Variants in CLUL1 observed in about 807,000 individuals in gnomAD.
The protein encoded by CLUL1 is clusterin like 1.
In CLUL1, 43 loss-of-function variants were observed where a neutral mutation model predicts 49.4. The observed-to-expected ratio is 0.87, with a 90% confidence interval of 0.68 to 1.12. The LOEUF is 1.12. Among genes scored for constraint, CLUL1 ranks in the 50% most tolerant of loss-of-function variants. The probability of loss-of-function intolerance (pLI) is 0.00; values close to 1 mark genes in which losing one functional copy is unlikely to be tolerated. For missense variants in CLUL1, 486 were observed against 544.4 expected, an observed-to-expected ratio of 0.89 and a Z score of 1.07; for synonymous variants, 192 against 184.9, an observed-to-expected ratio of 1.04 and a Z score of -0.31.
intron 9 of CLUL1, among the ~76,000 whole-genome samples, chr18:647,625 CAT>C (rs1029864052): frequency 6.6e-6 from 1 of 152,182 alleles, no homozygotes; most frequent in Non-Finnish European, 1.5e-5. Flanking sequence ...CCAGCTGGGA[CAT>C]GTGTGTCTAC....
At chr18:609,105 A>G (rs965096448) in intron 2 of CLUL1, among the ~76,000 whole-genome samples, 1 of 152,328 alleles carries the variant, frequency 6.6e-6, no homozygotes, top group African/African-American at 2.4e-5. Context: ...TCTAAACACA[A>G]AATTCATTTA....
intron 7 of CLUL1, among the ~76,000 whole-genome samples, chr18:634,407 C>G (rs1170549112): frequency 2.6e-5 from 4 of 152,180 alleles, no homozygotes; most frequent in Non-Finnish European, 5.9e-5. Flanking sequence ...GCTGGGATTA[C>G]AGGCATGAAC....
chr18:638,708 A>T lies in CLUL1; in HGVS notation c.995-2619A>T, dbSNP rs144848845. On this transcript the variant is annotated intron_variant, in intron 7 of 9. Transcript: ENST00000692774. ...CCCCGTCTCTACTAAAAATATAAAA[A>T]TTAGCCAGGTGTGGTGGTACGCACC... 2.3e-3 allele frequency among the ~76,000 whole-genome samples: 357 copies of T among 152,064 alleles called. 5 individuals are homozygous for T. The East Asian group carries it at 0.044, about 19-fold the overall frequency.
intron 9 of CLUL1, among the ~76,000 whole-genome samples, chr18:647,656 G>A (rs1375707715): frequency 2.0e-5 from 3 of 152,208 alleles, no homozygotes; most frequent in Non-Finnish European, 4.4e-5. Flanking sequence ...CAGGAGAGAG[G>A]AGAGTCTTGG....
At chr18:633,461 A>T in intron 7 of CLUL1, 26 bp downstream of exon 7, 2 of 1,598,280 alleles carry the variant, frequency 1.3e-6, no homozygotes, top group Non-Finnish European at 1.7e-6. Flanking sequence ...TTTGTTTTTT[A>T]TTCTACTTTA....
chr18:643,599 T>C (rs1379040010), intron 8 of CLUL1, among the ~76,000 whole-genome samples: 1 of 152,242 alleles, frequency 6.6e-6, no homozygotes, highest in East Asian at 1.9e-4. Context: ...CATTCTAGTG[T>C]CTCTTGAGTA....
chr18:598,421 G>A, intron 1 of CLUL1: 1 of 396,808 alleles, frequency 2.5e-6, no homozygotes, highest in Non-Finnish European at 4.4e-6. Flanking sequence ...TAGACGCTTT[G>A]TGAGTCTTCC....
intron 2 of CLUL1, among the ~76,000 whole-genome samples, chr18:610,188 A>G (rs1013985082): frequency 2.6e-5 from 4 of 152,206 alleles, no homozygotes; most frequent in African/African-American, 7.2e-5. Context: ...GAATTTAAAG[A>G]AAAACTTGAT....
intron 6 of CLUL1, among the ~76,000 whole-genome samples, chr18:631,367 C>T (rs11665416): frequency 0.1 from 13,606 of 130,236 alleles, 844 homozygotes; most frequent in East Asian, 0.38. Context: ...GTAGCTTGAC[C>T]CGTGCGGGGG....
At chr18:617,530 G>A (rs1349334033) in intron 2 of CLUL1, among the ~76,000 whole-genome samples, 1 of 150,324 alleles carries the variant, frequency 6.7e-6, no homozygotes, top group African/African-American at 2.5e-5. Flanking sequence ...GGGAGGTGGA[G>A]GTTGCGGTGG....
At chr18:614,449 C>T (rs498087) in intron 2 of CLUL1, 126,840 of 152,092 alleles carry the variant, frequency 0.83, 53,935 homozygotes, top group Non-Finnish European at 0.94. Flanking sequence ...TATTTAGATC[C>T]TTATACTTTA....
intron 4 of CLUL1, 121 bp from the exon 5 acceptor site, chr18:624,744 C>T: frequency 2.3e-6 from 2 of 868,248 alleles, no homozygotes; most frequent in Admixed American, 2.5e-5. Flanking sequence ...AGCTGCGAGG[C>T]ACCTGAAGGA....
intron 7 of CLUL1, among the ~76,000 whole-genome samples, chr18:639,536 C>T (rs772478530): frequency 6.0e-5 from 9 of 150,810 alleles, no homozygotes; most frequent in Non-Finnish European, 7.4e-5. Context: ...GAGGCCAAGG[C>T]GGGCAATCAC....
intron 7 of CLUL1, 61 bp from the exon 8 acceptor site, chr18:641,266 G>A: frequency 6.9e-7 from 1 of 1,443,588 alleles, no homozygotes; most frequent in Non-Finnish European, 9.7e-7. Context: ...TTAAGCCCAT[G>A]TTGCCCACCT....
chr18:616,216 C>A (rs1198768868), intron 2 of CLUL1, among the ~76,000 whole-genome samples: 1 of 152,160 alleles, frequency 6.6e-6, no homozygotes, highest in East Asian at 1.9e-4. Context: ...AAATACTTAT[C>A]TATTGCATTA....
chr18:620,040 TA>T (rs1314728170), intron 4 of CLUL1, among the ~76,000 whole-genome samples: 3 of 152,134 alleles, frequency 2.0e-5, no homozygotes, highest in African/African-American at 7.2e-5. Context: ...TTCCTATGAC[TA>T]AAAAATTTGT....
At chr18:644,327 A>G (rs58841913) in intron 8 of CLUL1, among the ~76,000 whole-genome samples, 1,730 of 152,370 alleles carry the variant, frequency 0.011, 8 homozygotes, top group African/African-American at 0.023. Flanking sequence ...AGTAACATAC[A>G]TGTTATTCAT....
intron 1 of CLUL1, among the ~76,000 whole-genome samples, chr18:602,452 G>C (rs2072860194): frequency 6.6e-6 from 1 of 152,126 alleles, no homozygotes; most frequent in Admixed American, 6.5e-5. Flanking sequence ...TGGCAGCTCT[G>C]GCTGTTCCTC....
At chr18:631,815 G>A (rs930837975) in intron 6 of CLUL1, among the ~76,000 whole-genome samples, 5 of 152,140 alleles carry the variant, frequency 3.3e-5, no homozygotes, top group South Asian at 4.1e-4. Flanking sequence ...TCCCTCAAGA[G>A]GCTTACAGTC....
Sources: gnomAD v4.1 joint callset for allele counts (sites outside exome capture counted in the v4.1 genomes callset) on GRCh38, gnomAD v4.1.1 for gene constraint, MANE v1.5 for transcripts, NCBI Gene and HGNC (gene_info 2026-07-23, HGNC 2026-07-21) for gene names.